The following ZRANB3 variants were observed in gnomAD, a reference collection of about 807,000 sequenced individuals.
ZRANB3 encodes DNA annealing helicase and endonuclease ZRANB3.
In ZRANB3, 125 loss-of-function variants were observed where a neutral mutation model predicts 133.8. The observed-to-expected ratio is 0.93, with a 90% CI of 0.81 to 1.08. The LOEUF is 1.08. ZRANB3 is among the 50% of genes least tolerant of loss of function. The pLI is 0.00. For synonymous variants in ZRANB3, 387 were observed against 432.7 expected, an observed-to-expected ratio of 0.89 and a Z score of 1.31; for missense variants, 1,229 against 1,275.5, an observed-to-expected ratio of 0.96 and a Z score of 0.56.
intron 2 of ZRANB3, among the ~76,000 whole-genome samples, chr2:135,447,726 T>G (rs552575260): frequency 6.6e-6 from 1 of 152,332 alleles, no homozygotes; most frequent in East Asian, 1.9e-4. Context: ...TGGAACTACC[T>G]CTTTTTCTAT....
intron 8 of ZRANB3, among the ~76,000 whole-genome samples, chr2:135,308,851 C>A (rs1002700219): frequency 6.6e-6 from 1 of 152,058 alleles, no homozygotes; most frequent in African/African-American, 2.4e-5. Flanking sequence ...ATAATAACCA[C>A]CTCTTCTTCC....
At chr2:135,519,755 T>C (rs1693846583) in intron 1 of ZRANB3, among the ~76,000 whole-genome samples, 1 of 152,312 alleles carries the variant, frequency 6.6e-6, no homozygotes, top group Non-Finnish European at 1.5e-5. Context: ...AGATATATAA[T>C]AGTAAATATA....
rs766286045 is a variant in ZRANB3, at chr2:135,217,589, C to G, written c.2371G>C (p.Glu791Gln). 1 of 1,611,538 alleles carries G rather than the reference C, an allele frequency of 6.2e-7. No individual in the cohort carries two copies. The highest frequency in any genetic ancestry group is 8.5e-7 in the Non-Finnish European group (1 of 1,179,374). The change falls in exon 17 of 21, where the codon GAA (glutamate) becomes CAA (glutamine). Residue 791 changes from glutamate (E) to glutamine (Q), a missense_variant. Glu to Gln is a conservative substitution (Grantham distance 29, BLOSUM62 2). Coordinates refer to ENST00000264159, the MANE Select transcript of ZRANB3 (RefSeq NM_032143.4). ...YRSLILRFVREWSSLTAMKQR... is the reference protein window; with the variant it reads ...YRSLILRFVRQWSSLTAMKQR... ...TTCATGGCAGTTAGACTACTCCATT[C>G]TCGAACAAATCTCAAAATCTGGCAG... is the stretch of plus-strand genomic sequence containing the variant.
chr2:135,375,340 G>A (rs1157088536), intron 3 of ZRANB3, among the ~76,000 whole-genome samples: 2 of 151,988 alleles, frequency 1.3e-5, no homozygotes, highest in East Asian at 3.9e-4. Context: ...ATCACCTGAG[G>A]TCGGGAGTTC....
chr2:135,447,946 T>C (rs1690096747), intron 2 of ZRANB3, among the ~76,000 whole-genome samples: 1 of 152,186 alleles, frequency 6.6e-6, no homozygotes, highest in Non-Finnish European at 1.5e-5. Context: ...TGTATTCGAC[T>C]AGAAAGCCCA....
chr2:135,211,291 G>A (rs1573677431), intron 17 of ZRANB3, among the ~76,000 whole-genome samples: 1 of 151,814 alleles, frequency 6.6e-6, no homozygotes, highest in Admixed American at 6.6e-5. Flanking sequence ...ATGTAATCCC[G>A]GCACTTTGAG....
At chr2:135,309,483 T>C (rs889625144) in intron 8 of ZRANB3, among the ~76,000 whole-genome samples, 4 of 152,186 alleles carry the variant, frequency 2.6e-5, no homozygotes, top group Non-Finnish European at 4.4e-5. Flanking sequence ...AATGATCCTA[T>C]ATCTTCTAGA....
intron 8 of ZRANB3, among the ~76,000 whole-genome samples, chr2:135,283,242 G>A (rs992440236): frequency 6.6e-6 from 1 of 152,110 alleles, no homozygotes; most frequent in Admixed American, 6.6e-5. Context: ...CTGTGATTGT[G>A]CCACTGCACT....
chr2:135,220,737 C>T (rs944180125), intron 15 of ZRANB3, among the ~76,000 whole-genome samples: 3 of 150,646 alleles, frequency 2.0e-5, no homozygotes, highest in Non-Finnish European at 1.5e-5. Context: ...TAATTCTAAA[C>T]CCTGATATAG....
intron 11 of ZRANB3, among the ~76,000 whole-genome samples, chr2:135,268,135 A>G (rs1230309550): frequency 1.3e-5 from 2 of 151,948 alleles, no homozygotes; most frequent in African/African-American, 4.8e-5. Flanking sequence ...GCCCAAACAA[A>G]CTAACCCAGA....
chr2:135,315,433 T>G lies in ZRANB3; in HGVS notation c.775A>C (p.Thr259Pro). ...GGGGGTAGCTGGGTTAAAACTTCAG[T>G]CTTTAATCTTCTAATCATTATGTCA... ...LSDIMIRRLKTEVLTQLPPKV... is the reference protein window; with the variant it reads ...LSDIMIRRLKPEVLTQLPPKV... Residue 259 changes from threonine to proline, a missense_variant, in exon 7 of 21, where the codon ACT becomes CCT. Physicochemically the swap from Thr to Pro is conservative, Grantham distance 38. Transcript: ENST00000264159. 1 of 1,605,744 alleles carries G rather than the reference T, an allele frequency of 6.2e-7. No individual in the cohort carries two copies. Among genetic ancestry groups the G allele is most frequent in the Non-Finnish European group, 8.5e-7 (1 of 1,176,804 alleles).
intron 17 of ZRANB3, among the ~76,000 whole-genome samples, chr2:135,216,177 C>A (rs1349783141): frequency 6.6e-6 from 1 of 151,696 alleles, no homozygotes; most frequent in Non-Finnish European, 1.5e-5. Flanking sequence ...GTACCATATG[C>A]CATATGTTGA....
intron 10 of ZRANB3, among the ~76,000 whole-genome samples, chr2:135,270,851 T>C (rs1355132933): frequency 1.3e-5 from 2 of 152,206 alleles, no homozygotes; most frequent in East Asian, 1.9e-4. Context: ...TATCCTAGCT[T>C]AGACATTTAC....
intron 6 of ZRANB3, among the ~76,000 whole-genome samples, chr2:135,324,546 G>A (rs1208724685): frequency 4.6e-5 from 7 of 152,142 alleles, no homozygotes; most frequent in Admixed American, 2.0e-4. Context: ...AAACATACGC[G>A]TGCATGTGTC....
At chr2:135,483,360 C>T (rs1015837849) in intron 2 of ZRANB3, among the ~76,000 whole-genome samples, 10 of 152,128 alleles carry the variant, frequency 6.6e-5, no homozygotes, top group African/African-American at 2.2e-4. Flanking sequence ...GTGTATTTGT[C>T]GAGGAATTTA....
chr2:135,376,405 C>T (rs1686431161), intron 3 of ZRANB3, among the ~76,000 whole-genome samples: 1 of 152,150 alleles, frequency 6.6e-6, no homozygotes, highest in Admixed American at 6.5e-5. Context: ...ATATGTACAG[C>T]AGCTTTATTG....
intron 6 of ZRANB3, among the ~76,000 whole-genome samples, chr2:135,325,497 C>G (rs746792654): frequency 1.3e-5 from 2 of 151,966 alleles, no homozygotes; most frequent in African/African-American, 4.8e-5. Flanking sequence ...CCCAGGTTCA[C>G]GCCATTCTCC....
rs61744510 is a variant in ZRANB3, at chr2:135,350,207, G to A, written c.368C>T (p.Ser123Leu). Reference sequence around the variant, plus strand: ...ACCCAGAACTGTCACTTTACTGGTCGACATTCTCCTAGAAAAGAAAATCCA... The same window carrying A: ...ACCCAGAACTGTCACTTTACTGGTCAACATTCTCCTAGAAAAGAAAATCCA... ...IQNKTDVRRM[S>L]TSKVTVLGYG... The change falls in exon 5 of 21, where the codon TCG becomes TTG. Residue 123 changes from serine (S) to leucine (L), a missense_variant. Coordinates refer to ENST00000264159, the MANE Select transcript of ZRANB3 (RefSeq NM_032143.4). The A allele has an allele frequency of 0.051, 80,820 of 1,582,756 alleles. 2,646 individuals are homozygous for A. The highest frequency in any genetic ancestry group is 0.11 in the Admixed American group (5,965 of 54,930).
chr2:135,482,765 G>C (rs113294473), intron 2 of ZRANB3, among the ~76,000 whole-genome samples: 1 of 152,168 alleles, frequency 6.6e-6, no homozygotes, highest in African/African-American at 2.4e-5. Context: ...GTCATAGATA[G>C]CTCTTATTAT....
Sources: gnomAD v4.1 joint callset for allele counts (sites outside exome capture counted in the v4.1 genomes callset) on GRCh38, gnomAD v4.1.1 for gene constraint, MANE v1.5 for transcripts, NCBI Gene and HGNC (gene_info 2026-07-23, HGNC 2026-07-21) for gene names.